SF3B2: variants seen among roughly 807,000 people sequenced by gnomAD.
The protein encoded by SF3B2 is SAP 145.
A neutral mutation model predicts 116.3 loss-of-function variants in SF3B2; 22 were observed. That is an observed-to-expected ratio of 0.19 (90% CI 0.14 to 0.27). SF3B2 has a LOEUF of 0.27. SF3B2 is among the 10% of genes least tolerant of loss of function. The pLI, the probability that SF3B2 is intolerant of heterozygous loss-of-function variation, is 1.00. For synonymous variants in SF3B2, 406 were observed against 421.6 expected, an observed-to-expected ratio of 0.96 and a Z score of 0.45; for missense variants, 767 against 1,151.4, an observed-to-expected ratio of 0.67 and a Z score of 4.83.
chr11:66,057,086 T>C, intron 6 of SF3B2, 131 bp downstream of exon 6: 1 of 828,422 alleles, frequency 1.2e-6, no homozygotes, highest in Non-Finnish European at 2.1e-6. Context: ...TTTTACACAC[T>C]GAACACACCT....
intron 3 of SF3B2, 101 bp downstream of exon 3, chr11:66,053,205 C>T: frequency 9.2e-7 from 1 of 1,083,182 alleles, no homozygotes; most frequent in Admixed American, 1.7e-5. Context: ...AGATGTGACA[C>T]CCTTGCACAT....
In SF3B2 at chr11:66,059,522, A is replaced by C; in HGVS notation, c.1328A>C (p.Lys443Thr). 1 of 1,614,086 alleles carries C rather than the reference A, an allele frequency of 6.2e-7. No individual in the cohort carries two copies. Among genetic ancestry groups the C allele is most frequent in the Non-Finnish European group, 8.5e-7 (1 of 1,180,014 alleles). Residue 443 changes from lysine to threonine, a missense_variant, in exon 12 of 22, where the codon AAG becomes ACG. Lys to Thr is a moderately conservative substitution (Grantham distance 78). Coordinates refer to ENST00000322535, the MANE Select transcript of SF3B2 (RefSeq NM_006842.3). This position sits in a 1 kb window ranked among gnomAD's most constrained non-coding sequence, Gnocchi z 5.0. ...DDSSDDEQEKKPEAPKLSKKK... is the reference protein window; with the variant it reads ...DDSSDDEQEKTPEAPKLSKKK... ...CTGATTGTTCTGTTCTAGGAAAAGA[A>C]GCCAGAAGCCCCCAAGCTGTCCAAG...
At chr11:66,067,829 G>A in intron 19 of SF3B2, 117 bp from the exon 20 acceptor site, 2 of 757,548 alleles carry the variant, frequency 2.6e-6, no homozygotes, top group South Asian at 3.3e-5. Flanking sequence ...TGCATCCTTG[G>A]GGAGCTCAGA....
intron 19 of SF3B2, chr11:66,065,221 C>G (rs1177555785): frequency 6.6e-6 from 1 of 152,264 alleles, no homozygotes; most frequent in Non-Finnish European, 1.5e-5. Context: ...ATCCGCCTGC[C>G]TTGGCCTCCC....
intron 6 of SF3B2, 50 bp from the exon 7 acceptor site, chr11:66,057,216 G>A (rs769626118): frequency 1.8e-5 from 21 of 1,174,558 alleles, no homozygotes; most frequent in South Asian, 3.6e-5. Flanking sequence ...AATTTTTTAC[G>A]TGAGTGTTTT....
rs930396745 is a variant in SF3B2, at chr11:66,057,318, A to T, written c.720A>T (p.Gly240=). The stretch of plus-strand genomic sequence containing the variant: ...CCACTCCTACAGTTTTGCCCATGGG[A>T]GCCCCTGTTCCCCGGCCTCGTGGTC... ...VGPTPTVLPM[G]APVPRPRGPP... is the part of the protein sequence containing the mutation. Residue 240 remains glycine, a synonymous_variant, in exon 7 of 22, where the codon GGA becomes GGT. Coordinates refer to ENST00000322535, the MANE Select transcript of SF3B2 (RefSeq NM_006842.3). 1.9e-6 allele frequency: 3 copies of T among 1,610,022 alleles called. No homozygotes were observed. Among genetic ancestry groups the T allele is most frequent in the Non-Finnish European group, 2.6e-6 (3 of 1,176,278 alleles).
chr11:66,058,435 A>G lies in SF3B2; in HGVS notation c.966+30A>G, dbSNP rs1188200400. ...GGATTGGAGCTGAGTGTGGAAGGAA[A>G]GCCAGGAGATGGGACTTGGGTACGG... On this transcript the variant is annotated intron_variant, in intron 9 of 21. Coordinates refer to ENST00000322535, the MANE Select transcript of SF3B2 (RefSeq NM_006842.3). 4 of 1,558,918 alleles carry G rather than the reference A, an allele frequency of 2.6e-6. No individual in the cohort carries two copies. In the African/African-American group the frequency reaches 5.4e-5, roughly 21 times the overall value.
At position 66,059,090 on chromosome 11, in the gene SF3B2, G is replaced by C; in HGVS notation, c.1182+45G>C. The C allele has an allele frequency of 6.2e-7, 1 of 1,608,132 alleles. No homozygotes were observed. Among genetic ancestry groups the C allele is most frequent in the African/African-American group, 1.3e-5 (1 of 74,786 alleles). ...GGAAGGGGCAGTGCCAAACAGGGAA[G>C]GGGCTCAGAGGTGGGTGAGAGGCAG... On this transcript the variant is annotated intron_variant, in intron 10 of 21. Coordinates refer to ENST00000322535, the MANE Select transcript of SF3B2 (RefSeq NM_006842.3). This position sits in a 1 kb window ranked among gnomAD's most constrained non-coding sequence, Gnocchi z 5.0.
intron 19 of SF3B2, chr11:66,065,182 G>A (rs1857160869): frequency 6.6e-6 from 1 of 152,216 alleles, no homozygotes; most frequent in Non-Finnish European, 1.5e-5. Context: ...ATGTTGGCCA[G>A]GCTGGTCTCG....
rs1363378526 is a variant in SF3B2 at position 66,059,100 on chromosome 11, G to A, written c.1182+55G>A. ...GTGCCAAACAGGGAAGGGGCTCAGA[G>A]GTGGGTGAGAGGCAGCGGTGAACAG... is the stretch of plus-strand genomic sequence containing the variant. On this transcript the variant is annotated intron_variant, in intron 10 of 21. Transcript: ENST00000322535. This position sits in a 1 kb window ranked among gnomAD's most constrained non-coding sequence, Gnocchi z 5.0. 2.5e-6 allele frequency: 4 copies of A among 1,608,786 alleles called. No individual in the cohort carries two copies. The highest frequency in any genetic ancestry group is 3.4e-6 in the Non-Finnish European group (4 of 1,176,048).
intron 7 of SF3B2, among the ~76,000 whole-genome samples, chr11:66,057,754 T>C (rs927158891): frequency 2.0e-5 from 3 of 151,700 alleles, no homozygotes; most frequent in Non-Finnish European, 4.4e-5. Flanking sequence ...GGCGGGCGGA[T>C]CACCTGAGGT....
chr11:66,054,119 G>A (rs1444534499), intron 3 of SF3B2, among the ~76,000 whole-genome samples: 1 of 146,444 alleles, frequency 6.8e-6, no homozygotes, highest in Non-Finnish European at 1.5e-5. Flanking sequence ...GAGGTGGACG[G>A]TGCAGTGAGC....
Position 66,055,297 on chromosome 11 carries a change from G to A in SF3B2, c.480G>A (p.Gln160=), listed in dbSNP as rs755403957. The A allele has an allele frequency of 5.0e-6, 8 of 1,612,936 alleles. No homozygotes were observed. Among genetic ancestry groups the A allele is most frequent in the Non-Finnish European group, 6.8e-6 (8 of 1,179,692 alleles). ...AGCAGGCGGCATTGCTGATGCAGCA[G>A]GAGGAGCGTGCCAAGCAGGTAGGGC... ...AQQQAALLMQ[Q]EERAKQQGDH... The change falls in exon 4 of 22, where the codon CAG becomes CAA. Residue 160 remains glutamine (Q), a synonymous_variant. Transcript: ENST00000322535.
chr11:66,060,934 G>C (rs1339101527), intron 14 of SF3B2, among the ~76,000 whole-genome samples: 1 of 152,094 alleles, frequency 6.6e-6, no homozygotes, highest in Admixed American at 6.6e-5. Context: ...TGAGTAGCTG[G>C]GACCACAGGC....
At chr11:66,062,921 T>C in intron 16 of SF3B2, 88 bp from the exon 17 acceptor site, 1 of 765,864 alleles carries the variant, frequency 1.3e-6, no homozygotes, top group Non-Finnish European at 2.1e-6. Context: ...AAGTATCAGC[T>C]CTGTACTTTT....
intron 19 of SF3B2, 96 bp downstream of exon 19, chr11:66,063,825 C>A: frequency 9.9e-7 from 1 of 1,013,938 alleles, no homozygotes; most frequent in Non-Finnish European, 1.4e-6. Flanking sequence ...CTTTTTTAAA[C>A]AATTATTGAA....
Position 66,059,477 on chromosome 11 carries a change from C to T in SF3B2, c.1321-38C>T, listed in dbSNP as rs1323267657. The T allele has an allele frequency of 1.9e-6, 3 of 1,612,146 alleles. No homozygotes were observed. The highest frequency in any genetic ancestry group is 3.3e-5 in the Admixed American group (2 of 60,022). ...GTGGGTTGGGCAGTTTCATTCACAT[C>T]TGAGTCCTGCTTAAAAGGGCTGATT... On this transcript the variant is annotated intron_variant, in intron 11 of 21. Coordinates refer to ENST00000322535, the MANE Select transcript of SF3B2 (RefSeq NM_006842.3). The surrounding 1 kb of genome is among the most constrained non-coding windows in gnomAD (Gnocchi z 5.0).
chr11:66,057,395 C>T lies in SF3B2; in HGVS notation c.777+20C>T. ...AGAGAGGTGAGACTGATGATTTATT[C>T]CTAGGGATAAGAGAGTGGTAGTTTA... On this transcript the variant is annotated intron_variant, in intron 7 of 21. Transcript: ENST00000322535. 2 of 1,125,988 alleles carry T rather than the reference C, an allele frequency of 1.8e-6. No individual in the cohort carries two copies. The highest frequency in any genetic ancestry group is 1.5e-5 in the African/African-American group (1 of 65,264). 69.7% of individuals were successfully genotyped at this position (1,125,988 alleles called of 1,614,324 possible). A position where few individuals can be genotyped will look rare whatever the true frequency, so the allele number is the denominator to read the frequency against.
At chr11:66,061,296 G>A (rs1857096856) in intron 14 of SF3B2, among the ~76,000 whole-genome samples, 2 of 152,202 alleles carry the variant, frequency 1.3e-5, no homozygotes, top group African/African-American at 4.8e-5. Flanking sequence ...GGATGGAGGG[G>A]CCAAGGGGCA....
Sources: gnomAD v4.1 joint callset for allele counts (sites outside exome capture counted in the v4.1 genomes callset) on GRCh38, gnomAD v4.1.1 for gene constraint, Gnocchi (gnomAD v3.1) non-coding constraint, MANE v1.5 for transcripts, NCBI Gene and HGNC (gene_info 2026-07-23, HGNC 2026-07-21) for gene names.